TIGD1: variants seen among roughly 807,000 people sequenced by gnomAD.
The protein encoded by TIGD1 is tigger transposable element derived 1, also known as tigger transposable element-derived protein 1.
Under a neutral mutation model 21.3 loss-of-function variants are expected in TIGD1, and 20 were observed. The ratio of observed to expected loss-of-function variants is 0.94; its 90% CI spans 0.66 to 1.36. TIGD1 has a LOEUF of 1.36. Ranked by LOEUF, TIGD1 falls within the 40% of genes most tolerant of loss-of-function variation. The pLI is 0.00. For synonymous variants in TIGD1, 177 were observed against 123.2 expected, an observed-to-expected ratio of 1.44 and a Z score of -2.89; for missense variants, 556 against 350.5, an observed-to-expected ratio of 1.59 and a Z score of -4.68.
Position 232,545,782 on chromosome 2 carries a change from C to A in TIGD1, c.*2325G>T. On this transcript the variant is annotated 3_prime_UTR_variant, in exon 1 of 1. Coordinates refer to ENST00000408957, the MANE Select transcript of TIGD1 (RefSeq NM_145702.4). Reference sequence around the variant, plus strand: ...GGGTCACACTGAGTCTTATCAGCCACGTTCTCCTACTGAGGTCCTAAGTGT... The same window carrying A: ...GGGTCACACTGAGTCTTATCAGCCAAGTTCTCCTACTGAGGTCCTAAGTGT... The A allele has an allele frequency of 6.4e-7, 1 of 1,551,354 alleles. No individual in the cohort carries two copies. Among genetic ancestry groups the A allele is most frequent in the Non-Finnish European group, 8.9e-7 (1 of 1,125,340 alleles).
Position 232,544,149 on chromosome 2 carries a change from C to T in TIGD1, c.*3958G>A, listed in dbSNP as rs959588083. Among the ~76,000 whole-genome samples the T allele has an allele frequency of 1.4e-4, 21 of 152,304 alleles. No individual in the cohort carries two copies. The highest frequency in any genetic ancestry group is 4.3e-4 in the African/African-American group (18 of 41,574). ...GCCAGAATAGCATGAGGGCTGGGGG[C>T]AGGAATCTGTGTTTATAACAAGTGC... On this transcript the variant is annotated 3_prime_UTR_variant, in exon 1 of 1. Transcript: ENST00000408957.
In TIGD1 at chr2:232,550,397, CAG is replaced by C; in HGVS notation, c.-517_-516del. The C allele has an allele frequency of 1.0e-5, 5 of 487,788 alleles. No homozygotes were observed. The highest frequency in any genetic ancestry group is 1.5e-5 in the Non-Finnish European group (4 of 268,654). The allele number at this position is 487,788 out of a possible 1,614,324, so 30.2% of individuals were successfully genotyped here. On this transcript the variant is annotated 5_prime_UTR_variant, in exon 1 of 1. Coordinates refer to ENST00000408957, the MANE Select transcript of TIGD1 (RefSeq NM_145702.4). Reference sequence around the variant, plus strand: ...GAAGGTTTTTACCAAGCAGCGAGTCCAGAGCCCGCGCCGTCAACGACGCGGTG... The same window carrying C: ...GAAGGTTTTTACCAAGCAGCGAGTCCAGCCCGCGCCGTCAACGACGCGGTG...
chr2:232,545,031 T>A lies in TIGD1; in HGVS notation c.*3076A>T. ...AAAACATGAGGCCGGGTGCAGTGGG[T>A]CACACCTGTAATCCCAGTACTTTGG... On this transcript the variant is annotated 3_prime_UTR_variant, in exon 1 of 1. Transcript: ENST00000408957. The A allele has an allele frequency of 5.1e-6, 6 of 1,177,268 alleles. No homozygotes were observed. The South Asian group carries it at 6.5e-5, about 13-fold the overall frequency. The allele number at this position is 1,177,268 out of a possible 1,614,324, so 72.9% of individuals were successfully genotyped here.
Position 232,549,230 on chromosome 2 carries a change from CT to C in TIGD1, c.652del (p.Arg218GlyfsTer2). Reference protein sequence around the residue: ...SVPGFKASKDRLTLLLGANAA... With the variant: ...SVPGFKASKDXLTLLLGANAA... ...ATTAGCCCCTAACAAGAGAGTCAGC[CT>C]GTCCTTTGAAGCTTTGAAGCCAGGC... On this transcript the variant is annotated frameshift_variant, in exon 1 of 1. Coordinates refer to ENST00000408957, the MANE Select transcript of TIGD1 (RefSeq NM_145702.4). LOFTEE classifies it high-confidence loss of function. The C allele has an allele frequency of 1.5e-6, 1 of 676,174 alleles. No homozygotes were observed. The highest frequency in any genetic ancestry group is 2.7e-6 in the Non-Finnish European group (1 of 371,938). The allele number at this position is 676,174 out of a possible 1,614,324, so 41.9% of individuals were successfully genotyped here.
chr2:232,549,067 A>C lies in TIGD1; in HGVS notation c.816T>G (p.Phe272Leu), dbSNP rs1692201390. The change falls in exon 1 of 1, where the codon TTT (phenylalanine) becomes TTG (leucine). Residue 272 changes from phenylalanine (F) to leucine (L), a missense_variant. Coordinates refer to ENST00000408957, the MANE Select transcript of TIGD1 (RefSeq NM_145702.4). ...TAAAATATTCAGTAAACCACGCTGT[A>C]AACAGATGTGCTGTCATCCGGGCTT... ...NSKARMTAHL[F>L]TAWFTEYFKP... 1.4e-6 allele frequency: 1 copy of C among 714,680 alleles called. No homozygotes were observed. The highest frequency in any genetic ancestry group is 2.7e-5 in the East Asian group (1 of 37,278). 44.3% of individuals were successfully genotyped at this position (714,680 alleles called of 1,614,324 possible).
Position 232,544,225 on chromosome 2 carries a change from G to T in TIGD1, c.*3882C>A. 1 of 754,216 alleles carries T rather than the reference G, an allele frequency of 1.3e-6. No individual in the cohort carries two copies. Among genetic ancestry groups the T allele is most frequent in the Non-Finnish European group, 2.4e-6 (1 of 417,038 alleles). 46.7% of individuals were successfully genotyped at this position (754,216 alleles called of 1,614,324 possible). On this transcript the variant is annotated 3_prime_UTR_variant, in exon 1 of 1. Transcript: ENST00000408957. The stretch of plus-strand genomic sequence containing the variant: ...GTTTGGGGACCCAGGCTCGTGTCCA[G>T]TATAGAAAGCTTTACCAAGGCCACG...
chr2:232,544,255 T>C lies in TIGD1; in HGVS notation c.*3852A>G. On this transcript the variant is annotated 3_prime_UTR_variant, in exon 1 of 1. Coordinates refer to ENST00000408957, the MANE Select transcript of TIGD1 (RefSeq NM_145702.4). ...GAAAGCTTTACCAAGGCCACGTCAC[T>C]GCCCCGGTATGCTGCCTCCATGGTC... 1.2e-6 allele frequency: 1 copy of C among 852,872 alleles called. No homozygotes were observed. The highest frequency in any genetic ancestry group is 2.0e-6 in the Non-Finnish European group (1 of 499,528). The allele number at this position is 852,872 out of a possible 1,614,324, so 52.8% of individuals were successfully genotyped here.
rs1212871342 is a variant in TIGD1, at chr2:232,544,581, G to A, written c.*3526C>T. Reference sequence around the variant, plus strand: ...GTGGCGGCAGCGCTGGAGAAGCTAGGTGAGACACACCAGGTGTGCCTGGGG... The same window carrying A: ...GTGGCGGCAGCGCTGGAGAAGCTAGATGAGACACACCAGGTGTGCCTGGGG... On this transcript the variant is annotated 3_prime_UTR_variant, in exon 1 of 1. Coordinates refer to ENST00000408957, the MANE Select transcript of TIGD1 (RefSeq NM_145702.4). 2 of 1,611,742 alleles carry A rather than the reference G, an allele frequency of 1.2e-6. No homozygotes were observed. The highest frequency in any genetic ancestry group is 1.1e-5 in the South Asian group (1 of 91,050).
chr2:232,545,654 A>T lies in TIGD1; in HGVS notation c.*2453T>A, dbSNP rs771818429. 36 of 1,613,722 alleles carry T rather than the reference A, an allele frequency of 2.2e-5. No homozygotes were observed. In the Admixed American group the frequency reaches 6.0e-4, roughly 27 times the overall value. On this transcript the variant is annotated 3_prime_UTR_variant, in exon 1 of 1. Coordinates refer to ENST00000408957, the MANE Select transcript of TIGD1 (RefSeq NM_145702.4). ...TGGCATCTTCCTCATGGCCCACTAC[A>T]ACCGGGTGCCGGCCCTGCCATTCCC...
rs775121994 is a variant in TIGD1, at chr2:232,545,051, C to T, written c.*3056G>A. 5 of 1,016,654 alleles carry T rather than the reference C, an allele frequency of 4.9e-6. No homozygotes were observed. The highest frequency in any genetic ancestry group is 5.9e-6 in the Non-Finnish European group (4 of 673,128). 63.0% of individuals were successfully genotyped at this position (1,016,654 alleles called of 1,614,324 possible). On this transcript the variant is annotated 3_prime_UTR_variant, in exon 1 of 1. Transcript: ENST00000408957. ...GTGGGTCACACCTGTAATCCCAGTA[C>T]TTTGGGAGGCCGAGGCGAGTGGATC... is the stretch of plus-strand genomic sequence containing the variant.
rs146674765 is a variant in TIGD1 at position 232,544,781 on chromosome 2, C to T, written c.*3326G>A. On this transcript the variant is annotated 3_prime_UTR_variant, in exon 1 of 1. Coordinates refer to ENST00000408957, the MANE Select transcript of TIGD1 (RefSeq NM_145702.4). Reference sequence around the variant, plus strand: ...CCTTTCTCTTTATCAGAGAAAGGCCCGGAGTTAGGGCTGAGCCAGTTCTGT... The same window carrying T: ...CCTTTCTCTTTATCAGAGAAAGGCCTGGAGTTAGGGCTGAGCCAGTTCTGT... The T allele has an allele frequency of 6.3e-5, 101 of 1,613,962 alleles. No individual in the cohort carries two copies. In the African/African-American group the frequency reaches 1.0e-3, roughly 16 times the overall value.
rs1053841581 is a variant in TIGD1 at position 232,550,166 on chromosome 2, T to C, written c.-284A>G. 8.5e-6 allele frequency: 3 copies of C among 352,262 alleles called. No homozygotes were observed. Among genetic ancestry groups the C allele is most frequent in the Non-Finnish European group, 1.1e-5 (2 of 187,582 alleles). 21.8% of individuals were successfully genotyped at this position (352,262 alleles called of 1,614,324 possible). A position where few individuals can be genotyped will look rare whatever the true frequency, so the allele number is the denominator to read the frequency against. On this transcript the variant is annotated 5_prime_UTR_variant, in exon 1 of 1. Transcript: ENST00000408957. Reference sequence around the variant, plus strand: ...CAAAATGTAACACAGAGACACCAAGTGAGCACATGCTGTTGGAAAAATGGC... The same window carrying C: ...CAAAATGTAACACAGAGACACCAAGCGAGCACATGCTGTTGGAAAAATGGC...
rs1208840815 is a variant in TIGD1 at position 232,544,135 on chromosome 2, A to C, written c.*3972T>G. Among the ~76,000 whole-genome samples the C allele has an allele frequency of 6.6e-6, 1 of 152,194 alleles. No individual in the cohort carries two copies. The highest frequency in any genetic ancestry group is 1.9e-4 in the East Asian group (1 of 5,186). ...CCCAGGCATTCTAGGCCAGAATAGC[A>C]TGAGGGCTGGGGGCAGGAATCTGTG... On this transcript the variant is annotated 3_prime_UTR_variant, in exon 1 of 1. Coordinates refer to ENST00000408957, the MANE Select transcript of TIGD1 (RefSeq NM_145702.4).
In TIGD1 at chr2:232,545,331, AAG is replaced by A. The variant is rs1478506264; in HGVS notation, c.*2774_*2775del. 1.3e-5 allele frequency among the ~76,000 whole-genome samples: 2 copies of A among 148,774 alleles called. No individual in the cohort carries two copies. The highest frequency in any genetic ancestry group is 1.5e-5 in the Non-Finnish European group (1 of 66,888). ...GAGACTCCGTCTCAAAAAAAAAAAA[AAG>A]GAAAGAAAGAAAGAAAAAGGAACAG... On this transcript the variant is annotated 3_prime_UTR_variant, in exon 1 of 1. Transcript: ENST00000408957.
At position 232,544,249 on chromosome 2, in the gene TIGD1, C is replaced by A; in HGVS notation, c.*3858G>T. On this transcript the variant is annotated 3_prime_UTR_variant, in exon 1 of 1. Coordinates refer to ENST00000408957, the MANE Select transcript of TIGD1 (RefSeq NM_145702.4). ...AGTATAGAAAGCTTTACCAAGGCCA[C>A]GTCACTGCCCCGGTATGCTGCCTCC... 1 of 826,932 alleles carries A rather than the reference C, an allele frequency of 1.2e-6. No homozygotes were observed. Among genetic ancestry groups the A allele is most frequent in the Non-Finnish European group, 2.1e-6 (1 of 477,246 alleles). The allele number at this position is 826,932 out of a possible 1,614,324, so 51.2% of individuals were successfully genotyped here.
In TIGD1 at chr2:232,545,332, A is replaced by G. The variant is rs1468945366; in HGVS notation, c.*2775T>C. On this transcript the variant is annotated 3_prime_UTR_variant, in exon 1 of 1. Coordinates refer to ENST00000408957, the MANE Select transcript of TIGD1 (RefSeq NM_145702.4). The stretch of plus-strand genomic sequence containing the variant: ...AGACTCCGTCTCAAAAAAAAAAAAA[A>G]GGAAAGAAAGAAAGAAAAAGGAACA... Among the ~76,000 whole-genome samples, 1 of 147,166 alleles carries G rather than the reference A, an allele frequency of 6.8e-6. No individual in the cohort carries two copies. The highest frequency in any genetic ancestry group is 1.5e-5 in the Non-Finnish European group (1 of 66,294).
Position 232,548,199 on chromosome 2 carries a change from CTGAAGGTTGGGGTGGCTGT to C in TIGD1, c.1665_1683del (p.Gln559ProfsTer2). 1 of 1,537,032 alleles carries C rather than the reference CTGAAGGTTGGGGTGGCTGT, an allele frequency of 6.5e-7. No homozygotes were observed. Among genetic ancestry groups the C allele is most frequent in the Non-Finnish European group, 8.7e-7 (1 of 1,144,886 alleles). On this transcript the variant is annotated frameshift_variant, in exon 1 of 1. Transcript: ENST00000408957. LOFTEE classifies it high-confidence loss of function. ...TGCTGACTGGTCAGGGTGGTGGCTGCTGAAGGTTGGGGTGGCTGTGGCAATTTCCTAAAATAAGACATCG... is the reference window on the plus strand; with the variant it reads ...TGCTGACTGGTCAGGGTGGTGGCTGCGGCAATTTCCTAAAATAAGACATCG...
chr2:232,550,120 T>C lies in TIGD1; in HGVS notation c.-238A>G. The C allele has an allele frequency of 2.4e-6, 1 of 410,108 alleles. No individual in the cohort carries two copies. 25.4% of individuals were successfully genotyped at this position (410,108 alleles called of 1,614,324 possible). On this transcript the variant is annotated 5_prime_UTR_variant, in exon 1 of 1. Transcript: ENST00000408957. ...ACAGACACAGAAATCATGAAAAAGT[T>C]TTAAATATTTTGAGAATTACCAAAA...
rs997626752 is a variant in TIGD1, at chr2:232,549,446, T to C, written c.437A>G (p.His146Arg). The stretch of plus-strand genomic sequence containing the variant: ...TGCTTCACCTTGTGCTTTTATGTTA[T>C]GGAAATGGCTTCTTTCCTTAAACCT... ...FMRFKERSHF[H>R]NIKAQGEAAS... Residue 146 changes from histidine (H) to arginine (R), a missense_variant, in exon 1 of 1, where the codon CAT becomes CGT. Physicochemically the swap from His to Arg is conservative, Grantham distance 29 (BLOSUM62 0). Transcript: ENST00000408957. 7.6e-6 allele frequency: 5 copies of C among 659,062 alleles called. No homozygotes were observed. Among genetic ancestry groups the C allele is most frequent in the Non-Finnish European group, 1.4e-5 (5 of 369,040 alleles). The allele number at this position is 659,062 out of a possible 1,614,324, so 40.8% of individuals were successfully genotyped here. A position where few individuals can be genotyped will look rare whatever the true frequency, so the allele number is the denominator to read the frequency against.
Sources: gnomAD v4.1 joint callset for allele counts (sites outside exome capture counted in the v4.1 genomes callset) on GRCh38, gnomAD v4.1.1 for gene constraint, MANE v1.5 for transcripts, NCBI Gene and HGNC (gene_info 2026-07-23, HGNC 2026-07-21) for gene names.